Variants in RPS29 observed in about 807,000 individuals in gnomAD.
The protein encoded by RPS29 is small ribosomal subunit protein uS14.
For synonymous variants in RPS29, 37 were observed against 26.9 expected, an observed-to-expected ratio of 1.37 and a Z score of -1.16; for missense variants, 60 against 75.7, an observed-to-expected ratio of 0.79 and a Z score of 0.77.
chr14:49,591,959 T>C (rs1006374292), intron 1 of RPS29, among the ~76,000 whole-genome samples: 7 of 152,150 alleles, frequency 4.6e-5, no homozygotes, highest in Admixed American at 1.3e-4. Flanking sequence ...AAGATTCAAT[T>C]TGATTTTCTG....
upstream of RPS29, among the ~76,000 whole-genome samples, chr14:49,590,507 C>T (rs939576151): frequency 2.6e-5 from 4 of 151,996 alleles, no homozygotes; most frequent in African/African-American, 9.7e-5. Context: ...AAACCTGCAT[C>T]GCTCTTGAGT....
downstream of RPS29, among the ~76,000 whole-genome samples, chr14:49,581,601 T>C (rs1201068913): frequency 6.6e-6 from 1 of 152,178 alleles, no homozygotes; most frequent in Non-Finnish European, 1.5e-5. Flanking sequence ...GCTAATTTTC[T>C]CTTTTAAATT....
chr14:49,584,877 TAAAAA>T lies in RPS29; in HGVS notation c.162+1068_162+1072del, dbSNP rs952634618. On this transcript the variant is annotated intron_variant, in intron 2 of 2. Coordinates refer to ENST00000245458, the MANE Select transcript of RPS29 (RefSeq NM_001032.5). Reference sequence around the variant, plus strand: ...GCCAATAATAAATTCGTTTTCACCTTAAAAAAAAAAACCCAAACTACTATTTAAAA... The same window carrying T: ...GCCAATAATAAATTCGTTTTCACCTTAAAAAACCCAAACTACTATTTAAAA... 5.4e-4 allele frequency among the ~76,000 whole-genome samples: 79 copies of T among 146,960 alleles called. 1 individual carries two copies. The East Asian group carries it at 0.015, about 28-fold the overall frequency.
chr14:49,587,773 G>T (rs1297873844), upstream of RPS29, among the ~76,000 whole-genome samples: 2 of 152,182 alleles, frequency 1.3e-5, no homozygotes, highest in Admixed American at 6.5e-5. Flanking sequence ...AAGTACGAAA[G>T]GAGCCAAGAA....
intron 2 of RPS29, among the ~76,000 whole-genome samples, chr14:49,585,143 G>C (rs1881484306): frequency 6.6e-6 from 1 of 152,170 alleles, no homozygotes; most frequent in Non-Finnish European, 1.5e-5. Context: ...GCCGAAGCAG[G>C]CGGATCACGA....
rs533176356 is a variant in RPS29, at chr14:49,584,753, C to A, written c.163-1078G>T. On this transcript the variant is annotated intron_variant, in intron 2 of 2. Coordinates refer to ENST00000245458, the MANE Select transcript of RPS29 (RefSeq NM_001032.5). ...CTCCAGCCTGGGAAACAGAGGGAGACCCAATTTCAAAACAAAAAAAAAAAT... is the reference window on the plus strand; with the variant it reads ...CTCCAGCCTGGGAAACAGAGGGAGAACCAATTTCAAAACAAAAAAAAAAAT... 3.4e-5 allele frequency among the ~76,000 whole-genome samples: 5 copies of A among 147,966 alleles called. No individual in the cohort carries two copies. In the East Asian group the frequency reaches 5.8e-4, roughly 17 times the overall value.
chr14:49,574,922 T>C (rs1023053987), exon 3 of RPS29: 4 of 152,292 alleles, frequency 2.6e-5, no homozygotes, highest in African/African-American at 9.6e-5. Flanking sequence ...AATGTGTCCT[T>C]TGGACTCTTA....
upstream of RPS29, chr14:49,586,518 G>A: frequency 1.6e-6 from 1 of 642,930 alleles, no homozygotes; most frequent in Non-Finnish European, 2.8e-6. Context: ...GTTGTGGGCT[G>A]GCCCAGTTGA....
intron 2 of RPS29, 124 bp downstream of exon 2, chr14:49,585,826 G>C (rs541690196): frequency 1.1e-5 from 8 of 709,174 alleles, no homozygotes; most frequent in African/African-American, 1.8e-5. Flanking sequence ...AAGAGGAAAA[G>C]CTCTTGGTCG....
Position 49,584,345 on chromosome 14 carries a change from C to T in RPS29, c.163-670G>A, listed in dbSNP as rs535196721. Among the ~76,000 whole-genome samples, 85 of 152,342 alleles carry T rather than the reference C, an allele frequency of 5.6e-4. 1 individual carries two copies. The highest frequency in any genetic ancestry group is 2.0e-3 in the African/African-American group (82 of 41,582). On this transcript the variant is annotated intron_variant, in intron 2 of 2. Coordinates refer to ENST00000245458, the MANE Select transcript of RPS29 (RefSeq NM_001032.5). ...TTTTCTTACGTATGATATACTACCT[C>T]TCAAATTAGGCGAACCTCCTCATTT...
chr14:49,586,125 T>A, intron 1 of RPS29, 76 bp from the exon 2 acceptor site: 1 of 1,430,546 alleles, frequency 7.0e-7, no homozygotes, highest in East Asian at 2.3e-5. Flanking sequence ...ACTACCCGCA[T>A]CCCGGGACTC....
downstream of RPS29, among the ~76,000 whole-genome samples, chr14:49,581,582 C>A (rs1217018704): frequency 6.6e-6 from 1 of 152,198 alleles, no homozygotes; most frequent in East Asian, 1.9e-4. Flanking sequence ...GCGTGCACAA[C>A]CACACCCGGC....
chr14:49,589,052 G>A (rs1019865160), upstream of RPS29, among the ~76,000 whole-genome samples: 1 of 151,616 alleles, frequency 6.6e-6, no homozygotes, highest in Admixed American at 6.6e-5. Flanking sequence ...CACCATGCCC[G>A]GCTAATTTCT....
At chr14:49,586,582 C>T (rs1195717603), upstream of RPS29, 11 of 544,218 alleles carry the variant, frequency 2.0e-5, no homozygotes, top group East Asian at 3.1e-5. Flanking sequence ...ATCCGACCGC[C>T]GGGCGCGGTG....
intron 1 of RPS29, among the ~76,000 whole-genome samples, chr14:49,595,215 C>A (rs888534362): frequency 2.0e-5 from 3 of 151,502 alleles, no homozygotes; most frequent in African/African-American, 7.3e-5. Flanking sequence ...AAAAAAAAAA[C>A]TAACTCCAAC....
exon 3 of RPS29, chr14:49,577,629 G>T: frequency 1.4e-6 from 1 of 711,298 alleles, no homozygotes. Flanking sequence ...CATAACCAAT[G>T]TTGGGCATAG....
chr14:49,579,893 G>T (rs138745732), downstream of RPS29, among the ~76,000 whole-genome samples: 2 of 152,186 alleles, frequency 1.3e-5, no homozygotes, highest in African/African-American at 4.8e-5. Context: ...TTCTTTGGGA[G>T]ACCTTGGGGA....
At chr14:49,598,655 C>T (rs542050485) in exon 1 of RPS29, 13 of 700,592 alleles carry the variant, frequency 1.9e-5, no homozygotes, top group African/African-American at 1.0e-4. Context: ...ACGCGTAAAG[C>T]GTCAACAGCT....
chr14:49,575,373 G>A (rs952261827), exon 3 of RPS29: 1 of 152,228 alleles, frequency 6.6e-6, no homozygotes, highest in Non-Finnish European at 1.5e-5. Flanking sequence ...GGCCTAATAG[G>A]AGAAATGAAG....
Sources: allele counts gnomAD v4.1 joint callset (sites outside exome capture counted in the v4.1 genomes callset), GRCh38; gene constraint gnomAD v4.1.1; transcripts MANE v1.5; gene names NCBI Gene and HGNC (gene_info 2026-07-23, HGNC 2026-07-21).